The following ACACB variants were observed in gnomAD, a reference collection of about 807,000 sequenced individuals.
ACACB encodes acetyl-CoA carboxylase 2.
Under a neutral mutation model 278.8 loss-of-function variants are expected in ACACB, and 209 were observed. That is an observed-to-expected ratio of 0.75 (90% confidence interval 0.67 to 0.84). The LOEUF (loss-of-function observed/expected upper bound fraction) is 0.84. Ranked by LOEUF, ACACB falls within the 40% of genes least tolerant of loss-of-function variation. The probability of loss-of-function intolerance (pLI) is 0.00; values close to 1 mark genes in which losing one functional copy is unlikely to be tolerated. For synonymous variants in ACACB, 1,174 were observed against 1,285.6 expected (o/e 0.91, Z 1.86); for missense variants, 2,850 against 3,269.0 (o/e 0.87, Z 3.13).
At chr12:109,123,843 T>C (rs2042612936) in intron 1 of ACACB, among the ~76,000 whole-genome samples, 1 of 151,364 alleles carries the variant, frequency 6.6e-6, no homozygotes, top group Admixed American at 6.6e-5. Flanking sequence ...CACGCCTGGC[T>C]AATTTTTTTT....
At chr12:109,203,677 G>C (rs2136347707) in intron 19 of ACACB, among the ~76,000 whole-genome samples, 1 of 152,348 alleles carries the variant, frequency 6.6e-6, no homozygotes, top group Non-Finnish European at 1.5e-5. Context: ...CTGTCCTCAG[G>C]ACCACCAGGG....
upstream of ACACB, among the ~76,000 whole-genome samples, chr12:109,114,367 A>G (rs1189483487): frequency 6.6e-6 from 1 of 152,134 alleles, no homozygotes; most frequent in Non-Finnish European, 1.5e-5. Context: ...GGAGCCTTCC[A>G]ACAAGAAGCT....
chr12:109,206,881 G>A (rs186808951), intron 20 of ACACB, 25 bp downstream of exon 20: 135 of 1,613,924 alleles, frequency 8.4e-5, no homozygotes, highest in Middle Eastern at 5.0e-4. Context: ...GAGCGCAGGC[G>A]TGTAGACCAG....
intron 27 of ACACB, among the ~76,000 whole-genome samples, chr12:109,224,576 G>A (rs2046264169): frequency 1.3e-5 from 2 of 151,756 alleles, no homozygotes; most frequent in Admixed American, 6.6e-5. Flanking sequence ...CTTGTGCCTA[G>A]GGTGGAGTGC....
intron 17 of ACACB, 152 bp from the exon 18 acceptor site, chr12:109,199,250 T>G: frequency 1.9e-6 from 1 of 526,192 alleles, no homozygotes; most frequent in East Asian, 3.4e-5. Context: ...TCACTCTCAG[T>G]GTCTCTGAGA....
At chr12:109,192,849 G>A (rs2044943025) in intron 15 of ACACB, among the ~76,000 whole-genome samples, 1 of 152,004 alleles carries the variant, frequency 6.6e-6, no homozygotes, top group African/African-American at 2.4e-5. Flanking sequence ...TTTTTGCATA[G>A]ATGGGGTCTC....
At chr12:109,233,909 C>T in intron 30 of ACACB, 29 bp from the exon 31 acceptor site, 1 of 1,613,468 alleles carries the variant, frequency 6.2e-7, no homozygotes, top group East Asian at 2.2e-5. Flanking sequence ...CCAGGCTTTC[C>T]AGCCCTACCC....
intron 36 of ACACB, chr12:109,242,229 C>G: frequency 1.9e-6 from 1 of 537,878 alleles, no homozygotes. Context: ...TTTGGAACTG[C>G]ATTCCACAGC....
chr12:109,148,686 G>T (rs1248655960), intron 2 of ACACB, among the ~76,000 whole-genome samples: 1 of 152,118 alleles, frequency 6.6e-6, no homozygotes, highest in African/African-American at 2.4e-5. Context: ...ATCAGGCCCT[G>T]GGAATTTCAG....
In ACACB at chr12:109,238,571, A is replaced by T. The variant is rs59424566; in HGVS notation, c.4662+1191A>T. On this transcript the variant is annotated intron_variant, in intron 34 of 52. Coordinates refer to ENST00000338432, the MANE Select transcript of ACACB (RefSeq NM_001093.4). ...ATGTATATATAATTATTATATATAT[A>T]TATTTTTTTGGAGATGGAGTTTTGC... 1.3e-3 allele frequency among the ~76,000 whole-genome samples: 190 copies of T among 144,314 alleles called. 2 individuals carry two copies. Among genetic ancestry groups the T allele is most frequent in the Non-Finnish European group, 2.0e-3 (135 of 66,630 alleles). 94.7% of individuals were successfully genotyped at this position (144,314 alleles called of 152,430 possible). A position where few individuals can be genotyped will look rare whatever the true frequency, so the allele number is the denominator to read the frequency against.
chr12:109,256,027 G>A (rs779753286), intron 44 of ACACB, 113 bp from the exon 45 acceptor site: 5 of 721,168 alleles, frequency 6.9e-6, no homozygotes, highest in Non-Finnish European at 9.5e-6. Context: ...GGGTATCTGG[G>A]CTATGAGGTT....
chr12:109,183,556 T>G (rs980730695), intron 11 of ACACB, among the ~76,000 whole-genome samples: 7 of 152,196 alleles, frequency 4.6e-5, no homozygotes, highest in African/African-American at 1.4e-4. Context: ...ATAAATGGAA[T>G]TACTTTCTTG....
chr12:109,201,460 C>T, intron 18 of ACACB, 107 bp from the exon 19 acceptor site: 1 of 1,381,304 alleles, frequency 7.2e-7, no homozygotes, highest in South Asian at 1.3e-5. Flanking sequence ...TCTGGCGCGT[C>T]CCTGGGTAGT....
At chr12:109,112,537 C>CATGG (rs1223296089), upstream of ACACB, among the ~76,000 whole-genome samples, 1 of 151,712 alleles carries the variant, frequency 6.6e-6, no homozygotes, top group Non-Finnish European at 1.5e-5. Flanking sequence ...ACCCTGTCTC[C>CATGG]ACTAAAAATA....
At chr12:109,148,366 G>A (rs1200618160) in intron 2 of ACACB, among the ~76,000 whole-genome samples, 1 of 152,160 alleles carries the variant, frequency 6.6e-6, no homozygotes, top group African/African-American at 2.4e-5. Context: ...GAGACACTCA[G>A]GTTCAAAGCT....
intron 41 of ACACB, among the ~76,000 whole-genome samples, chr12:109,251,617 A>C (rs886363127): frequency 6.6e-6 from 1 of 152,214 alleles, no homozygotes; most frequent in African/African-American, 2.4e-5. Context: ...ACCGTAGTAC[A>C]TTATCGAAAC....
In ACACB at chr12:109,258,266, A is replaced by C. The variant is rs766043261; in HGVS notation, c.6264-2A>C. The C allele has an allele frequency of 6.2e-7, 1 of 1,610,536 alleles. No homozygotes were observed. The highest frequency in any genetic ancestry group is 2.2e-5 in the East Asian group (1 of 44,758). On this transcript the variant is annotated splice_acceptor_variant, in intron 45 of 52. Coordinates refer to ENST00000338432, the MANE Select transcript of ACACB (RefSeq NM_001093.4). LOFTEE classifies it high-confidence loss of function. ...CCTGGCTCACTGGTGCTCATTTTCC[A>C]GGCTTGGGGGGATTCCCGTGGGAGT...
intron 1 of ACACB, among the ~76,000 whole-genome samples, chr12:109,130,268 T>C (rs1226641925): frequency 1.3e-5 from 2 of 152,120 alleles, no homozygotes; most frequent in Non-Finnish European, 2.9e-5. Context: ...AGCAATGATG[T>C]AGGTACCATC....
chr12:109,115,366 A>T (rs1406045355), upstream of ACACB, among the ~76,000 whole-genome samples: 2 of 151,682 alleles, frequency 1.3e-5, no homozygotes, highest in South Asian at 4.2e-4. Flanking sequence ...CTGGGAAAGA[A>T]TTTTTTTTTC....
Sources: allele counts gnomAD v4.1 joint callset (sites outside exome capture counted in the v4.1 genomes callset), GRCh38; gene constraint gnomAD v4.1.1; transcripts MANE v1.5; gene names NCBI Gene and HGNC (gene_info 2026-07-23, HGNC 2026-07-21).